DMD: variants seen among roughly 807,000 people sequenced by gnomAD.
DMD encodes the protein mutant dystrophin.
In DMD, 63 loss-of-function variants were observed where a neutral mutation model predicts 330.1. That is an observed-to-expected ratio of 0.19 (90% CI 0.16 to 0.24). The LOEUF (loss-of-function observed/expected upper bound fraction) is 0.24. DMD is among the 10% of genes least tolerant of loss of function. The pLI is 1.00. For synonymous variants in DMD, 1,223 were observed against 959.8 expected, an observed-to-expected ratio of 1.27 and a Z score of -5.07; for missense variants, 3,344 against 2,684.1, an observed-to-expected ratio of 1.25 and a Z score of -5.43.
intron 1 of DMD, among the ~76,000 whole-genome samples, chrX:33,070,673 C>CTCTCTCTCTATATA (rs1192910156): frequency 8.4e-5 from 3 of 35,656 alleles, no homozygotes; most frequent in African/African-American, 2.6e-4. Flanking sequence ...CTCTCTCTCT[C>CTCTCTCTCTATATA]TATATATATA....
intron 2 of DMD, among the ~76,000 whole-genome samples, chrX:33,019,279 C>T (rs138226726): frequency 0.064 from 7,099 of 111,002 alleles, 578 homozygotes; most frequent in African/African-American, 0.22. Flanking sequence ...AAAATATCCA[C>T]TATCAAAACT....
chrX:31,271,967 T>C (rs1490096324), intron 62 of DMD, among the ~76,000 whole-genome samples: 1 of 111,130 alleles, frequency 9.0e-6, no homozygotes, highest in Non-Finnish European at 1.9e-5. Flanking sequence ...AACCAGCAAA[T>C]GAAGAGGCCT....
At chrX:31,673,014 G>C (rs1249806912) in intron 53 of DMD, among the ~76,000 whole-genome samples, 1 of 112,475 alleles carries the variant, frequency 8.9e-6, no homozygotes, top group Non-Finnish European at 1.9e-5. Flanking sequence ...GCCAAATAAA[G>C]GCAAGGCCAT....
chrX:31,474,715 AAT>A (rs1311573648), intron 59 of DMD, among the ~76,000 whole-genome samples: 5 of 89,265 alleles, frequency 5.6e-5, no homozygotes, highest in African/African-American at 1.3e-4. Context: ...GCAAAAAAAA[AAT>A]AAAATAAAAT....
At chrX:33,232,966 G>T (rs2052414259) in intron 1 of DMD, among the ~76,000 whole-genome samples, 1 of 111,186 alleles carries the variant, frequency 9.0e-6, no homozygotes, top group African/African-American at 3.3e-5. Flanking sequence ...TTGATCAAAG[G>T]GTACGAATTT....
At chrX:33,152,068 G>A (rs1284439117) in intron 1 of DMD, among the ~76,000 whole-genome samples, 3 of 111,323 alleles carry the variant, frequency 2.7e-5, no homozygotes, top group African/African-American at 9.8e-5. Context: ...CTTTACATTT[G>A]TATGTTTTGT....
At chrX:31,858,785 A>T (rs1048908191) in intron 48 of DMD, among the ~76,000 whole-genome samples, 4 of 110,473 alleles carry the variant, frequency 3.6e-5, no homozygotes, top group Admixed American at 9.7e-5. Context: ...TTATGGCCAC[A>T]GTTTATCTTG....
In DMD at chrX:32,390,043, G is replaced by A. The variant is rs760940206; in HGVS notation, c.4344+28C>T. On this transcript the variant is annotated intron_variant, in intron 31 of 78. Transcript: ENST00000357033. ...GGAGTATAATGCCCAACGAAAACAC[G>A]TTCCTTAGTTTCTGAAATAACATAT... 4.0e-5 allele frequency: 45 copies of A among 1,125,084 alleles called. No individual in the cohort carries two copies. In the Admixed American group the frequency reaches 9.0e-4, roughly 23 times the overall value. The allele number at this position is 1,125,084 out of a possible 1,213,427, so 92.7% of individuals were successfully genotyped here.
rs748235011 is a variant in DMD, at chrX:32,464,625, C to T, written c.3237G>A (p.Gly1079=). Residue 1079 remains glycine (G), a synonymous_variant, in exon 24 of 79, where the codon GGG becomes GGA. Coordinates refer to ENST00000357033, the MANE Select transcript of DMD (RefSeq NM_004006.3). ...VFLKEEWPAL[G]DSEILKKQLK... ...GCTGCTTTTTTAGAATTTCTGAATC[C>T]CCAAGGGCAGGCCATTCCTCCTTCA... The T allele has an allele frequency of 1.7e-6, 2 of 1,210,099 alleles. No homozygotes were observed. The highest frequency in any genetic ancestry group is 3.0e-5 in the East Asian group (1 of 33,813).
chrX:31,950,326 T>G (rs751759411), intron 45 of DMD, among the ~76,000 whole-genome samples: 6 of 111,872 alleles, frequency 5.4e-5, no homozygotes, highest in African/African-American at 1.9e-4. Context: ...AATTCCAATT[T>G]AATTCTGACA....
intron 76 of DMD, among the ~76,000 whole-genome samples, chrX:31,137,390 A>G (rs2035387874): frequency 8.9e-6 from 1 of 111,836 alleles, no homozygotes; most frequent in South Asian, 3.7e-4. Flanking sequence ...CTCATTGAAA[A>G]ATGCTTAATG....
At chrX:32,809,665 AATGTT>A in intron 6 of DMD, 54 bp from the exon 7 acceptor site, 2 of 1,034,893 alleles carry the variant, frequency 1.9e-6, no homozygotes, top group Non-Finnish European at 2.7e-6. Context: ...ATCAATCTAG[AATGTT>A]CCATGAGATT....
chrX:31,365,607 C>G (rs1015313371), intron 60 of DMD, among the ~76,000 whole-genome samples: 2 of 112,066 alleles, frequency 1.8e-5, no homozygotes, highest in African/African-American at 3.2e-5. Flanking sequence ...AGAGATACCC[C>G]CTATGTCTCT....
intron 7 of DMD, among the ~76,000 whole-genome samples, chrX:32,738,174 T>A (rs151298191): frequency 1.3e-4 from 15 of 111,689 alleles, no homozygotes; most frequent in Non-Finnish European, 2.4e-4. Context: ...GTTTGAACAT[T>A]TTCTAGGCAT....
At chrX:32,836,067 G>A (rs915727321) in intron 4 of DMD, among the ~76,000 whole-genome samples, 4 of 109,192 alleles carry the variant, frequency 3.7e-5, no homozygotes, top group Admixed American at 9.9e-5. Flanking sequence ...AGTCTTGCTC[G>A]ATCCCCCAGA....
rs747915986 is a variant in DMD at position 33,158,591 on chromosome X, G to A, written c.31+52691C>T. Among the ~76,000 whole-genome samples the A allele has an allele frequency of 8.1e-5, 9 of 111,641 alleles. No individual in the cohort carries two copies. In the South Asian group the frequency reaches 3.4e-3, roughly 42 times the overall value. On this transcript the variant is annotated intron_variant, in intron 1 of 78. Transcript: ENST00000357033. ...CTGACACTCTGTTCCATTTCTTCATGTTAGTTAATTACCATTCAAGGTCTT... is the reference window on the plus strand; with the variant it reads ...CTGACACTCTGTTCCATTTCTTCATATTAGTTAATTACCATTCAAGGTCTT...
At chrX:32,902,883 G>A (rs190630437) in intron 2 of DMD, among the ~76,000 whole-genome samples, 2 of 109,985 alleles carry the variant, frequency 1.8e-5, no homozygotes, top group Admixed American at 1.9e-4. Flanking sequence ...TTGGCCAGGT[G>A]CGGTGGTTCA....
intron 1 of DMD, among the ~76,000 whole-genome samples, chrX:33,257,520 C>A (rs1254460584): frequency 9.0e-6 from 1 of 111,183 alleles, no homozygotes; most frequent in Non-Finnish European, 1.9e-5. Context: ...TGTCCAGTGT[C>A]ACATATACGT....
intron 43 of DMD, among the ~76,000 whole-genome samples, chrX:32,270,853 C>T (rs2097362706): frequency 1.8e-5 from 2 of 111,402 alleles, no homozygotes; most frequent in Non-Finnish European, 3.8e-5. Flanking sequence ...AGGATAAGTG[C>T]TTATTGTTCT....
Sources: allele counts gnomAD v4.1 joint callset (sites outside exome capture counted in the v4.1 genomes callset), GRCh38; gene constraint gnomAD v4.1.1; transcripts MANE v1.5; gene names NCBI Gene and HGNC (gene_info 2026-07-23, HGNC 2026-07-21).